RPTOR: variants seen among roughly 807,000 people sequenced by gnomAD.
RPTOR encodes the protein regulatory associated protein of MTOR complex 1, also known as regulatory-associated protein of mTOR.
Under a neutral mutation model 169.9 loss-of-function variants are expected in RPTOR, and 21 were observed. That is an observed-to-expected ratio of 0.12 (90% CI 0.09 to 0.18). The LOEUF (loss-of-function observed/expected upper bound fraction) is 0.18, where lower values mean the gene tolerates loss of function less well. Among genes scored for constraint, RPTOR ranks in the 10% least tolerant of loss-of-function variants. RPTOR has a pLI of 1.00. For missense variants in RPTOR, 1,133 were observed against 1,855.9 expected, an observed-to-expected ratio of 0.61 and a Z score of 7.16; for synonymous variants, 732 against 753.2, an observed-to-expected ratio of 0.97 and a Z score of 0.46.
chr17:80,610,063 A>G (rs900146024), intron 1 of RPTOR, among the ~76,000 whole-genome samples: 9 of 152,120 alleles, frequency 5.9e-5, no homozygotes, highest in Non-Finnish European at 1.0e-4. Flanking sequence ...TTCGACTTCA[A>G]CTAATGGTCA....
chr17:80,829,732 A>C (rs1408135346), intron 9 of RPTOR, among the ~76,000 whole-genome samples: 1 of 152,180 alleles, frequency 6.6e-6, no homozygotes, highest in Non-Finnish European at 1.5e-5. Flanking sequence ...CTTCTTCCTC[A>C]GCCCCTCCTG....
At chr17:80,761,046 A>G (rs2066732299) in intron 6 of RPTOR, among the ~76,000 whole-genome samples, 1 of 152,250 alleles carries the variant, frequency 6.6e-6, no homozygotes, top group Non-Finnish European at 1.5e-5. Context: ...CAATAATTCC[A>G]AAATGAGCAA....
chr17:80,716,917 C>T (rs909472012), intron 4 of RPTOR, among the ~76,000 whole-genome samples: 2 of 152,152 alleles, frequency 1.3e-5, no homozygotes, highest in African/African-American at 2.4e-5. Flanking sequence ...TATTGTGTTC[C>T]GTTGGCCTAT....
At chr17:80,759,149 G>A (rs1039441072) in intron 6 of RPTOR, among the ~76,000 whole-genome samples, 1 of 151,940 alleles carries the variant, frequency 6.6e-6, no homozygotes, top group African/African-American at 2.4e-5. Context: ...GAGCCCAGAA[G>A]TTTGAGACCA....
At chr17:80,545,910 T>G (rs774671825) in intron 1 of RPTOR, 119 bp downstream of exon 1, 5 of 870,834 alleles carry the variant, frequency 5.7e-6, no homozygotes, top group Non-Finnish European at 6.7e-6. Context: ...ACGTTGTAAG[T>G]CAACTAGAAA....
At chr17:80,617,601 C>T (rs550390705) in intron 1 of RPTOR, among the ~76,000 whole-genome samples, 1 of 152,174 alleles carries the variant, frequency 6.6e-6, no homozygotes, top group Non-Finnish European at 1.5e-5. Context: ...AATCCTAGGG[C>T]TCAGAGCACT....
intron 1 of RPTOR, among the ~76,000 whole-genome samples, chr17:80,557,026 G>T (rs1217858987): frequency 6.6e-6 from 1 of 152,124 alleles, no homozygotes; most frequent in Non-Finnish European, 1.5e-5. Context: ...AACTCAGGAG[G>T]TGGAGGTTGC....
At chr17:80,869,953 G>T (rs1026163669) in intron 13 of RPTOR, among the ~76,000 whole-genome samples, 4 of 152,256 alleles carry the variant, frequency 2.6e-5, no homozygotes, top group South Asian at 2.1e-4. Flanking sequence ...GCTGTCTTCC[G>T]CTGGTCACAC....
At chr17:80,782,053 C>G (rs556470095) in intron 6 of RPTOR, among the ~76,000 whole-genome samples, 166 of 152,344 alleles carry the variant, frequency 1.1e-3, no homozygotes, top group African/African-American at 3.9e-3. Context: ...CGAGGCGGCC[C>G]TGGAGCCTAC....
chr17:80,744,558 G>A (rs1290910155), intron 5 of RPTOR, among the ~76,000 whole-genome samples: 1 of 88,772 alleles, frequency 1.1e-5, no homozygotes, highest in Non-Finnish European at 2.4e-5. Context: ...TACTAGCACT[G>A]TCCTGGTTAC....
chr17:80,691,774 C>T (rs2065994002), intron 3 of RPTOR, among the ~76,000 whole-genome samples: 1 of 152,156 alleles, frequency 6.6e-6, no homozygotes, highest in African/African-American at 2.4e-5. Context: ...TCCAGGGCTG[C>T]TCATTGACCC....
intron 3 of RPTOR, among the ~76,000 whole-genome samples, chr17:80,700,711 G>A (rs1598236132): frequency 6.6e-5 from 8 of 120,628 alleles, no homozygotes; most frequent in Non-Finnish European, 1.3e-4. Flanking sequence ...TGGTGGTGAT[G>A]GTGGTGGTGG....
At position 80,913,342 on chromosome 17, in the gene RPTOR, C is replaced by CTG. The variant is rs754334730; in HGVS notation, c.2520+4416_2520+4417dup. On this transcript the variant is annotated intron_variant, in intron 21 of 33. Transcript: ENST00000306801. ...TGAGAGAACCCACACAGCTCCAGAG[C>CTG]TGTGGTCTGATTTCATGTATTTATA... is the stretch of plus-strand genomic sequence containing the variant. Among the ~76,000 whole-genome samples, 552 of 152,240 alleles carry CTG rather than the reference C, an allele frequency of 3.6e-3. 4 individuals are homozygous for CTG. The highest frequency in any genetic ancestry group is 0.014 in the Middle Eastern group (4 of 294).
chr17:80,710,567 T>TTGTGTGTG lies in RPTOR; in HGVS notation c.507+2571_507+2572insGTGTGTGT, dbSNP rs1249250528. Among the ~76,000 whole-genome samples the TTGTGTGTG allele has an allele frequency of 4.1e-3, 453 of 110,656 alleles. 7 individuals are homozygous for TTGTGTGTG. The highest frequency in any genetic ancestry group is 0.012 in the African/African-American group (385 of 31,838). 72.6% of individuals were successfully genotyped at this position (110,656 alleles called of 152,430 possible). On this transcript the variant is annotated intron_variant, in intron 4 of 33. Transcript: ENST00000306801. Reference sequence around the variant, plus strand: ...ATGTTGATTTGCCTCCCTTGGTTATTTGTATGTGTGTGTGTGTGTGTGTGT... The same window carrying TTGTGTGTG: ...ATGTTGATTTGCCTCCCTTGGTTATTTGTGTGTGTGTATGTGTGTGTGTGTGTGTGTGT...
intron 20 of RPTOR, among the ~76,000 whole-genome samples, chr17:80,894,832 C>T (rs1271959166): frequency 3.3e-5 from 5 of 152,200 alleles, no homozygotes; most frequent in East Asian, 1.9e-4. Context: ...GACCCTACCC[C>T]GGTCCCATTC....
chr17:80,859,692 C>A (rs1038207804), intron 13 of RPTOR, among the ~76,000 whole-genome samples: 1 of 152,176 alleles, frequency 6.6e-6, no homozygotes, highest in African/African-American at 2.4e-5. Flanking sequence ...CACGTTCCCC[C>A]CGGACTTCGG....
intron 4 of RPTOR, among the ~76,000 whole-genome samples, chr17:80,709,591 G>A (rs1401135606): frequency 2.0e-5 from 3 of 152,222 alleles, no homozygotes; most frequent in Non-Finnish European, 2.9e-5. Flanking sequence ...CCGGGACCCC[G>A]CCCTTCTCAG....
At chr17:80,678,740 A>G (rs1449581862) in intron 3 of RPTOR, among the ~76,000 whole-genome samples, 19 of 152,292 alleles carry the variant, frequency 1.2e-4, no homozygotes, top group Non-Finnish European at 8.8e-5. Flanking sequence ...TAATGCATGA[A>G]GAAGGTGGAA....
At chr17:80,757,802 C>T (rs2066695877) in intron 6 of RPTOR, among the ~76,000 whole-genome samples, 1 of 152,082 alleles carries the variant, frequency 6.6e-6, no homozygotes, top group Non-Finnish European at 1.5e-5. Context: ...TGTTTCCCAC[C>T]TCTGTCCTTT....
Sources: allele counts gnomAD v4.1 joint callset (sites outside exome capture counted in the v4.1 genomes callset), GRCh38; gene constraint gnomAD v4.1.1; transcripts MANE v1.5; gene names NCBI Gene and HGNC (gene_info 2026-07-23, HGNC 2026-07-21).